VWA2: variants seen among roughly 807,000 people sequenced by gnomAD.
The protein encoded by VWA2 is von Willebrand factor A domain containing 2, also known as von Willebrand factor A domain-containing protein 2.
A neutral mutation model predicts 70.4 loss-of-function variants in VWA2; 73 were observed. The observed-to-expected ratio is 1.04, with a 90% CI of 0.86 to 1.26. The LOEUF (loss-of-function observed/expected upper bound fraction) is 1.26. VWA2 is among the 50% of genes most tolerant of loss of function. The pLI, the probability that VWA2 is intolerant of heterozygous loss-of-function variation, is 0.00. For synonymous variants in VWA2, 407 were observed against 423.3 expected (o/e 0.96, Z 0.47); for missense variants, 1,011 against 998.5 (o/e 1.01, Z -0.17).
rs551390990 is a variant in VWA2 at position 114,242,294 on chromosome 10, T to C, written c.-11+2725T>C. 5.9e-5 allele frequency among the ~76,000 whole-genome samples: 9 copies of C among 152,268 alleles called. No individual in the cohort carries two copies. In the East Asian group the frequency reaches 1.7e-3, roughly 29 times the overall value. On this transcript the variant is annotated intron_variant, in intron 1 of 13. Coordinates refer to ENST00000392982, the MANE Select transcript of VWA2 (RefSeq NM_001272046.2). ...GGGAAATAGGATGGATGGTGTTACC[T>C]CCGTTTTAGAGAGAAGGAAATTGAG...
intron 2 of VWA2, among the ~76,000 whole-genome samples, chr10:114,251,213 G>GA (rs1242975379): frequency 6.6e-6 from 1 of 152,268 alleles, no homozygotes; most frequent in Non-Finnish European, 1.5e-5. Context: ...CTGGTCTTTA[G>GA]AGGGGGCTGC....
intron 1 of VWA2, among the ~76,000 whole-genome samples, chr10:114,240,875 G>T (rs1319079617): frequency 6.6e-6 from 1 of 152,154 alleles, no homozygotes; most frequent in East Asian, 1.9e-4. Context: ...GCAAATCCCA[G>T]GTTGGAGAAG....
In VWA2 at chr10:114,289,029, G is replaced by A; in HGVS notation, c.1662G>A (p.Val554=). Residue 554 remains valine, a synonymous_variant, in exon 12 of 14, where the codon GTG becomes GTA. Transcript: ENST00000392982. ...PENFAQMQSF[V]RSCALQFEVN... ...ATTTTGCTCAGATGCAGAGCTTTGT[G>A]AGAAGCTGTGCCCTCCAGTTTGAGG... is the stretch of plus-strand genomic sequence containing the variant. The A allele has an allele frequency of 6.2e-7, 1 of 1,614,194 alleles. No homozygotes were observed. Among genetic ancestry groups the A allele is most frequent in the Non-Finnish European group, 8.5e-7 (1 of 1,180,042 alleles).
At chr10:114,250,450 C>T (rs948511791) in intron 2 of VWA2, among the ~76,000 whole-genome samples, 6 of 152,158 alleles carry the variant, frequency 3.9e-5, no homozygotes, top group South Asian at 2.1e-4. Context: ...GTGGACTGGG[C>T]GGCCAAGCTG....
intron 5 of VWA2, among the ~76,000 whole-genome samples, chr10:114,268,102 G>A (rs572734917): frequency 6.6e-6 from 1 of 152,136 alleles, no homozygotes; most frequent in Admixed American, 6.5e-5. Context: ...AAGGAAACTG[G>A]GACTCAGGTC....
intron 8 of VWA2, chr10:114,281,901 C>T (rs2038159123): frequency 4.8e-6 from 1 of 206,186 alleles, no homozygotes; most frequent in Admixed American, 6.5e-5. Context: ...CAATATTTCT[C>T]TCCCTACTGC....
At chr10:114,243,463 A>T (rs2037009030) in intron 1 of VWA2, among the ~76,000 whole-genome samples, 1 of 152,166 alleles carries the variant, frequency 6.6e-6, no homozygotes. Context: ...AAGGAAGATG[A>T]TTGTTCCAGC....
chr10:114,276,573 A>G (rs545475937), intron 6 of VWA2, among the ~76,000 whole-genome samples: 41 of 152,104 alleles, frequency 2.7e-4, no homozygotes, highest in Non-Finnish European at 4.7e-4. Flanking sequence ...ATCATGGCTA[A>G]CTGCAGCCCT....
chr10:114,279,853 G>A (rs1311285297), intron 8 of VWA2, among the ~76,000 whole-genome samples: 1 of 152,218 alleles, frequency 6.6e-6, no homozygotes, highest in Non-Finnish European at 1.5e-5. Context: ...CTAGGTGTTG[G>A]GATGGAGTCT....
chr10:114,258,894 G>GT (rs1362069283), intron 4 of VWA2, among the ~76,000 whole-genome samples: 6 of 152,122 alleles, frequency 3.9e-5, no homozygotes, highest in Non-Finnish European at 5.9e-5. Flanking sequence ...AAATCTTTGC[G>GT]TATCTGTATA....
Position 114,288,953 on chromosome 10 carries a change from C to T in VWA2, c.1586C>T (p.Ala529Val), listed in dbSNP as rs1331115070. 2 of 1,609,936 alleles carry T rather than the reference C, an allele frequency of 1.2e-6. No homozygotes were observed. The highest frequency in any genetic ancestry group is 3.3e-5 in the Admixed American group (2 of 59,888). Residue 529 changes from alanine (A) to valine (V), a missense_variant, in exon 12 of 14, where the codon GCC (alanine) becomes GTC (valine). Ala to Val is a moderately conservative substitution (Grantham distance 64). Coordinates refer to ENST00000392982, the MANE Select transcript of VWA2 (RefSeq NM_001272046.2). ...GCTCCTGCAGGGTGCCGGACACAAG[C>T]CCTGGACCTCGTCTTCATGTTGGAC... ...SRQRPGCRTQALDLVFMLDTS... is the reference protein window; with the variant it reads ...SRQRPGCRTQVLDLVFMLDTS...
chr10:114,284,580 C>T lies in VWA2; in HGVS notation c.890-283C>T, dbSNP rs114319516. On this transcript the variant is annotated intron_variant, in intron 9 of 13. Transcript: ENST00000392982. Reference sequence around the variant, plus strand: ...CTTGAGGCACCCACACTTGATGCTACGGGGAGCTTCCTCCTTGTCAAGCTT... The same window carrying T: ...CTTGAGGCACCCACACTTGATGCTATGGGGAGCTTCCTCCTTGTCAAGCTT... Among the ~76,000 whole-genome samples, 577 of 152,316 alleles carry T rather than the reference C, an allele frequency of 3.8e-3. 1 individual carries two copies. The highest frequency in any genetic ancestry group is 0.013 in the African/African-American group (545 of 41,576).
At chr10:114,249,082 T>C (rs1322095716) in intron 2 of VWA2, among the ~76,000 whole-genome samples, 1 of 151,928 alleles carries the variant, frequency 6.6e-6, no homozygotes. Context: ...TGTGCCATGG[T>C]GTGTGCCATG....
rs2036935442 is a variant in VWA2 at position 114,239,481 on chromosome 10, G to T, written c.-99G>T. On this transcript the variant is annotated 5_prime_UTR_variant, in exon 1 of 14. Transcript: ENST00000392982. ...GCCGCGCCCCGGGCGCCCCTCCTGT[G>T]ATCCCGTAGCGCCCCCTGGCCCGAG... The T allele has an allele frequency of 6.6e-6, 1 of 152,298 alleles. No homozygotes were observed. The highest frequency in any genetic ancestry group is 2.1e-4 in the South Asian group (1 of 4,832). The allele number at this position is 152,298 out of a possible 1,614,324, so 9.4% of individuals were successfully genotyped here.
At chr10:114,266,363 T>C (rs1335427087) in intron 5 of VWA2, among the ~76,000 whole-genome samples, 1 of 152,076 alleles carries the variant, frequency 6.6e-6, no homozygotes, top group Non-Finnish European at 1.5e-5. Flanking sequence ...GTATGTGAGA[T>C]GTTTTGATAC....
In VWA2 at chr10:114,284,899, CAT is replaced by C. The variant is rs2038666708; in HGVS notation, c.927_928del (p.Val311SerfsTer20). The C allele has an allele frequency of 7.5e-6, 12 of 1,607,248 alleles. No individual in the cohort carries two copies. The highest frequency in any genetic ancestry group is 3.4e-5 in the Admixed American group (2 of 58,508). Reference sequence around the variant, plus strand: ...TCGCAGCCCTGCCAGAATGGAGGCACATGTGTTCCAGAAGGACTGGACGGCTA... The same window carrying C: ...TCGCAGCCCTGCCAGAATGGAGGCACGTGTTCCAGAAGGACTGGACGGCTA... On this transcript the variant is annotated frameshift_variant, in exon 10 of 14. Transcript: ENST00000392982. LOFTEE classifies it high-confidence loss of function.
At position 114,289,494 on chromosome 10, in the gene VWA2, G is replaced by T; in HGVS notation, c.2122+5G>T. Reference sequence around the variant, plus strand: ...TCATTGAGTGGCTGTGTGGAGGTGAGTGGGGGAATCCACACCCTCAGGGCT... The same window carrying T: ...TCATTGAGTGGCTGTGTGGAGGTGATTGGGGGAATCCACACCCTCAGGGCT... On this transcript the variant is annotated splice_donor_5th_base_variant and intron_variant, in intron 12 of 13. Coordinates refer to ENST00000392982, the MANE Select transcript of VWA2 (RefSeq NM_001272046.2). 2 of 1,614,048 alleles carry T rather than the reference G, an allele frequency of 1.2e-6. No individual in the cohort carries two copies. Among genetic ancestry groups the T allele is most frequent in the South Asian group, 2.2e-5 (2 of 91,076 alleles).
At chr10:114,256,396 A>T (rs2133312728) in intron 4 of VWA2, among the ~76,000 whole-genome samples, 1 of 152,292 alleles carries the variant, frequency 6.6e-6, no homozygotes, top group East Asian at 1.9e-4. Flanking sequence ...ATAAAGGGGG[A>T]TGAATGAAAA....
At chr10:114,284,163 A>T (rs778560673) in intron 9 of VWA2, among the ~76,000 whole-genome samples, 19 of 152,252 alleles carry the variant, frequency 1.2e-4, no homozygotes, top group Non-Finnish European at 2.1e-4. Context: ...CCACATTTTG[A>T]CACAGGCTGT....
Sources: gnomAD v4.1 joint callset for allele counts (sites outside exome capture counted in the v4.1 genomes callset) on GRCh38, gnomAD v4.1.1 for gene constraint, MANE v1.5 for transcripts, NCBI Gene and HGNC (gene_info 2026-07-23, HGNC 2026-07-21) for gene names.